STX11: variants seen among roughly 807,000 people sequenced by gnomAD.
STX11 encodes syntaxin 11.
In STX11, 21 loss-of-function variants were observed where a neutral mutation model predicts 19.9. That is an observed-to-expected ratio of 1.06 (90% CI 0.75 to 1.52). The LOEUF (loss-of-function observed/expected upper bound fraction) is 1.52, where lower values mean the gene tolerates loss of function less well. Ranked by LOEUF, STX11 falls within the 40% of genes most tolerant of loss-of-function variation. STX11 has a pLI of 0.00. For synonymous variants in STX11, 193 were observed against 174.4 expected (o/e 1.11, Z -0.84); for missense variants, 438 against 405.9 (o/e 1.08, Z -0.68).
At chr6:144,146,297 G>A (rs55955703), upstream of STX11, among the ~76,000 whole-genome samples, 2,194 of 152,292 alleles carry the variant, frequency 0.014, 19 homozygotes, top group Non-Finnish European at 0.023. The surrounding 1 kb of genome is among the most constrained non-coding windows in gnomAD (Gnocchi z 4.4). Context: ...TCACCCTAAG[G>A]TCCTTATCGG....
chr6:144,172,770 CTCT>C lies in STX11; in HGVS notation c.-5-13848_-5-13846del, dbSNP rs775250323. 1.2e-4 allele frequency among the ~76,000 whole-genome samples: 18 copies of C among 152,216 alleles called. No individual in the cohort carries two copies. Among genetic ancestry groups the C allele is most frequent in the Non-Finnish European group, 2.5e-4 (17 of 68,016 alleles). ...TACAGTTCAGACTCCTCAGAGATAG[CTCT>C]TCTTATGCTGATCCTCTTGATCCCA... is the stretch of plus-strand genomic sequence containing the variant. On this transcript the variant is annotated intron_variant, in intron 1 of 1. Coordinates refer to ENST00000367568, the MANE Select transcript of STX11 (RefSeq NM_003764.4). This position sits in a 1 kb window ranked among gnomAD's most constrained non-coding sequence, Gnocchi z 4.2.
At chr6:144,142,925 G>C in the STX11 span, among the ~76,000 whole-genome samples, 2 of 152,132 alleles carry the variant, frequency 1.3e-5, no homozygotes, top group African/African-American at 2.4e-5. Context: ...CCAACATATG[G>C]AAATGATTAA....
chr6:144,151,889 G>A lies in STX11; in HGVS notation c.-6+1186G>A, dbSNP rs560238375. 6.6e-6 allele frequency among the ~76,000 whole-genome samples: 1 copy of A among 152,234 alleles called. No individual in the cohort carries two copies. The highest frequency in any genetic ancestry group is 2.1e-4 in the South Asian group (1 of 4,824). ...GAAGCTGACAAGTCCTATTGCGGTG[G>A]GTAACAGCCCTTAGGAAGGGACTGC... On this transcript the variant is annotated intron_variant, in intron 1 of 1. Coordinates refer to ENST00000367568, the MANE Select transcript of STX11 (RefSeq NM_003764.4). The surrounding 1 kb of genome is among the most constrained non-coding windows in gnomAD (Gnocchi z 4.6).
In STX11 at chr6:144,172,250, G is replaced by A. The variant is rs1801659898; in HGVS notation, c.-5-14373G>A. On this transcript the variant is annotated intron_variant, in intron 1 of 1. Coordinates refer to ENST00000367568, the MANE Select transcript of STX11 (RefSeq NM_003764.4). This position sits in a 1 kb window ranked among gnomAD's most constrained non-coding sequence, Gnocchi z 4.2. The stretch of plus-strand genomic sequence containing the variant: ...ATGTAAACCTTCCACAACAGTCTCT[G>A]GCAGATAGTAAGCACCTGTGATTCT... 6.6e-6 allele frequency among the ~76,000 whole-genome samples: 1 copy of A among 152,134 alleles called. No homozygotes were observed. The highest frequency in any genetic ancestry group is 2.1e-4 in the South Asian group (1 of 4,830).
rs1802414 is a variant in STX11 at position 144,186,718 on chromosome 6, G to A, written c.91G>A (p.Glu31Lys). Residue 31 changes from glutamate (E) to lysine (K), a missense_variant, in exon 2 of 2, where the codon GAG (glutamate) becomes AAG (lysine). Glu to Lys is a moderately conservative substitution (Grantham distance 56). Coordinates refer to ENST00000367568, the MANE Select transcript of STX11 (RefSeq NM_003764.4). ...GGACGATGAGTTTGACTCGCCCCAC[G>A]AGGACATCGTGTTCGAGACGGACCA... ...DGDDEFDSPHEDIVFETDHIL... is the reference protein window; with the variant it reads ...DGDDEFDSPHKDIVFETDHIL... 8.3e-5 allele frequency: 134 copies of A among 1,614,052 alleles called. No homozygotes were observed. Among genetic ancestry groups the A allele is most frequent in the Non-Finnish European group, 1.1e-4 (128 of 1,180,052 alleles).
At chr6:144,163,087 A>G (rs1309499558) in intron 1 of STX11, among the ~76,000 whole-genome samples, 1 of 152,208 alleles carries the variant, frequency 6.6e-6, no homozygotes, top group Non-Finnish European at 1.5e-5. Flanking sequence ...TTGTAAATAC[A>G]TAGAAAACTG....
At chr6:144,141,738 G>C in the STX11 span, among the ~76,000 whole-genome samples, 2 of 151,990 alleles carry the variant, frequency 1.3e-5, no homozygotes, top group Non-Finnish European at 2.9e-5. Context: ...GAGTGCACTT[G>C]TGCAATAATG....
chr6:144,163,574 C>T (rs6911429), intron 1 of STX11, among the ~76,000 whole-genome samples: 50,074 of 151,892 alleles, frequency 0.33, 8,530 homozygotes, highest in Middle Eastern at 0.38. Flanking sequence ...GCTTCCTGGG[C>T]TCAAGTGATT....
In STX11 at chr6:144,191,534, T is replaced by TAA. The variant is rs397795966; in HGVS notation, c.*4053_*4054dup. Among the ~76,000 whole-genome samples the TAA allele has an allele frequency of 0.011, 1,557 of 147,930 alleles. 21 individuals are homozygous for TAA. The highest frequency in any genetic ancestry group is 0.048 in the East Asian group (241 of 5,052). ...AAACTACTGAAGATTGTGTACAGCT[T>TAA]AAAAAAAAAAATAGGGTAACTATAG... On this transcript the variant is annotated 3_prime_UTR_variant, in exon 2 of 2. Coordinates refer to ENST00000367568, the MANE Select transcript of STX11 (RefSeq NM_003764.4).
chr6:144,146,256 C>T (rs1800871513), upstream of STX11, among the ~76,000 whole-genome samples: 1 of 152,190 alleles, frequency 6.6e-6, no homozygotes, highest in African/African-American at 2.4e-5. The surrounding 1 kb of genome is among the most constrained non-coding windows in gnomAD (Gnocchi z 4.4). Flanking sequence ...CCACGCCCCG[C>T]ACCCAGTGCC....
intron 1 of STX11, among the ~76,000 whole-genome samples, chr6:144,163,130 C>T (rs569043115): frequency 1.1e-4 from 16 of 152,256 alleles, no homozygotes; most frequent in African/African-American, 2.9e-4. Flanking sequence ...TTCATAGTTC[C>T]GTCTTTAAAT....
At chr6:144,168,805 T>C (rs1207627106) in intron 1 of STX11, among the ~76,000 whole-genome samples, 5 of 152,246 alleles carry the variant, frequency 3.3e-5, no homozygotes, top group African/African-American at 1.2e-4. Context: ...TAGCATGCTG[T>C]TTAAGAAAGC....
Position 144,187,261 on chromosome 6 carries a change from C to G in STX11, c.634C>G (p.Arg212Gly). 1 of 1,613,638 alleles carries G rather than the reference C, an allele frequency of 6.2e-7. No homozygotes were observed. The highest frequency in any genetic ancestry group is 8.5e-7 in the Non-Finnish European group (1 of 1,179,972). Residue 212 changes from arginine to glycine, a missense_variant, in exon 2 of 2, where the codon CGC becomes GGC. Coordinates refer to ENST00000367568, the MANE Select transcript of STX11 (RefSeq NM_003764.4). This position sits in a 1 kb window ranked among gnomAD's most constrained non-coding sequence, Gnocchi z 5.6. Reference sequence around the variant, plus strand: ...CCTCAACGAGATCGAGAGCCGCCACCGCGAACTGCTGCGCCTGGAGAGCCG... The same window carrying G: ...CCTCAACGAGATCGAGAGCCGCCACGGCGAACTGCTGCGCCTGGAGAGCCG... ...AALNEIESRH[R>G]ELLRLESRIR...
rs1350905744 is a variant in STX11, at chr6:144,183,647, T to G, written c.-5-2976T>G. 2.0e-5 allele frequency among the ~76,000 whole-genome samples: 3 copies of G among 152,184 alleles called. No individual in the cohort carries two copies. Among genetic ancestry groups the G allele is most frequent in the African/African-American group, 4.8e-5 (2 of 41,436 alleles). ...CTTTTTTTTAATCTAGAAAAAAAAT[T>G]TAATGTACTTGCTTAGTTCAGCAGA... On this transcript the variant is annotated intron_variant, in intron 1 of 1. Transcript: ENST00000367568. This position sits in a 1 kb window ranked among gnomAD's most constrained non-coding sequence, Gnocchi z 4.6.
In STX11 at chr6:144,155,860, T is replaced by A. The variant is rs977895796; in HGVS notation, c.-6+5157T>A. Among the ~76,000 whole-genome samples the A allele has an allele frequency of 6.6e-5, 10 of 152,228 alleles. No homozygotes were observed. Among genetic ancestry groups the A allele is most frequent in the Non-Finnish European group, 1.2e-4 (8 of 68,040 alleles). ...TTTGTAAGGCTCAGTAATTGGGTAA[T>A]TTTTAGAATGATGTAGAGTTGTAGA... is the stretch of plus-strand genomic sequence containing the variant. On this transcript the variant is annotated intron_variant, in intron 1 of 1. Coordinates refer to ENST00000367568, the MANE Select transcript of STX11 (RefSeq NM_003764.4). This position sits in a 1 kb window ranked among gnomAD's most constrained non-coding sequence, Gnocchi z 4.5.
intron 1 of STX11, among the ~76,000 whole-genome samples, chr6:144,179,816 A>G (rs1801862807): frequency 6.6e-6 from 1 of 152,258 alleles, no homozygotes; most frequent in South Asian, 2.1e-4. Context: ...TCTGATTTGT[A>G]ATAATCACTT....
upstream of STX11, among the ~76,000 whole-genome samples, chr6:144,147,262 G>C (rs1389118805): frequency 6.6e-6 from 1 of 151,774 alleles, no homozygotes; most frequent in Non-Finnish European, 1.5e-5. This position sits in a 1 kb window ranked among gnomAD's most constrained non-coding sequence, Gnocchi z 4.2. Flanking sequence ...ACTCCAAACA[G>C]GCTTTGGTCA....
Position 144,155,579 on chromosome 6 carries a change from C to T in STX11, c.-6+4876C>T, listed in dbSNP as rs1391222648. On this transcript the variant is annotated intron_variant, in intron 1 of 1. Coordinates refer to ENST00000367568, the MANE Select transcript of STX11 (RefSeq NM_003764.4). This position sits in a 1 kb window ranked among gnomAD's most constrained non-coding sequence, Gnocchi z 4.5. The stretch of plus-strand genomic sequence containing the variant: ...TATAATTCATTCAGTGCTCAGATCA[C>T]AAGAAAGGGAAGGGTTTTGGCTAAT... Among the ~76,000 whole-genome samples the T allele has an allele frequency of 6.6e-6, 1 of 152,146 alleles. No individual in the cohort carries two copies.
rs114952207 is a variant in STX11 at position 144,172,342 on chromosome 6, T to C, written c.-5-14281T>C. On this transcript the variant is annotated intron_variant, in intron 1 of 1. Coordinates refer to ENST00000367568, the MANE Select transcript of STX11 (RefSeq NM_003764.4). The surrounding 1 kb of genome is among the most constrained non-coding windows in gnomAD (Gnocchi z 4.2). ...TGGGTCAGCTGGGGGCTGGCCTAGC[T>C]CTCCGTGCGGTCTTCACCCTCCAGG... Among the ~76,000 whole-genome samples the C allele has an allele frequency of 5.1e-3, 781 of 152,286 alleles. 3 individuals are homozygous for C. Among genetic ancestry groups the C allele is most frequent in the African/African-American group, 0.018 (751 of 41,562 alleles).
Sources: gnomAD v4.1 joint callset for allele counts (sites outside exome capture counted in the v4.1 genomes callset) on GRCh38, gnomAD v4.1.1 for gene constraint, Gnocchi (gnomAD v3.1) non-coding constraint, MANE v1.5 for transcripts, NCBI Gene and HGNC (gene_info 2026-07-23, HGNC 2026-07-21) for gene names.